Variants in DOCK1 observed in about 807,000 individuals in gnomAD.
The protein encoded by DOCK1 is dedicator of cytokinesis 1, also known as dedicator of cytokinesis protein 1.
In DOCK1, 138 loss-of-function variants were observed where a neutral mutation model predicts 262.7. The observed-to-expected ratio is 0.53, with a 90% CI of 0.46 to 0.61. DOCK1 has a LOEUF of 0.61. DOCK1 is among the 20% of genes least tolerant of loss of function. The probability of loss-of-function intolerance (pLI) is 0.00; values close to 1 mark genes in which losing one functional copy is unlikely to be tolerated. For missense variants in DOCK1, 1,908 were observed against 2,370.7 expected, an observed-to-expected ratio of 0.80 and a Z score of 4.05; for synonymous variants, 866 against 867.4, an observed-to-expected ratio of 1.00 and a Z score of 0.03.
At chr10:127,259,885 C>T (rs563511048) in intron 29 of DOCK1, among the ~76,000 whole-genome samples, 1 of 152,060 alleles carries the variant, frequency 6.6e-6, no homozygotes, top group South Asian at 2.1e-4. Context: ...TTCCTCCTGC[C>T]GCCAACCCTG....
intron 14 of DOCK1, among the ~76,000 whole-genome samples, chr10:127,024,109 C>T (rs1295026408): frequency 6.6e-6 from 1 of 152,194 alleles, no homozygotes; most frequent in Non-Finnish European, 1.5e-5. Context: ...TGTGAGGTGC[C>T]TCTTTGCACC....
chr10:127,279,886 G>A (rs969779984), intron 29 of DOCK1, among the ~76,000 whole-genome samples: 23 of 151,906 alleles, frequency 1.5e-4, no homozygotes, highest in South Asian at 4.2e-4. Context: ...AAGCAGTGGC[G>A]TTTTCTTAGT....
At chr10:126,952,549 G>A (rs1226296615) in intron 1 of DOCK1, among the ~76,000 whole-genome samples, 1 of 141,226 alleles carries the variant, frequency 7.1e-6, no homozygotes, top group African/African-American at 2.6e-5. Flanking sequence ...GATGGTGGTG[G>A]TAGTATTGGT....
chr10:127,201,814 C>T (rs763622859), intron 27 of DOCK1, among the ~76,000 whole-genome samples: 1 of 152,126 alleles, frequency 6.6e-6, no homozygotes, highest in Non-Finnish European at 1.5e-5. Flanking sequence ...TTTTGTTGAC[C>T]TTTATTTGGT....
intron 29 of DOCK1, among the ~76,000 whole-genome samples, chr10:127,304,057 A>G (rs1169259859): frequency 2.0e-5 from 3 of 152,154 alleles, no homozygotes. Flanking sequence ...GGATGAGAGT[A>G]TTTGAGAGTG....
chr10:127,111,192 GCTTGGT>G (rs1298267109), intron 25 of DOCK1, among the ~76,000 whole-genome samples: 1 of 152,106 alleles, frequency 6.6e-6, no homozygotes, highest in African/African-American at 2.4e-5. Context: ...TCTGTGCTTG[GCTTGGT>G]CCTTTGTGCC....
intron 29 of DOCK1, among the ~76,000 whole-genome samples, chr10:127,330,629 G>A (rs2062935528): frequency 6.6e-6 from 1 of 152,186 alleles, no homozygotes; most frequent in Admixed American, 6.5e-5. Flanking sequence ...GGAAAGCAGA[G>A]CTTTATTTCT....
At chr10:126,926,834 T>A (rs556920448) in intron 1 of DOCK1, among the ~76,000 whole-genome samples, 2,615 of 152,220 alleles carry the variant, frequency 0.017, 75 homozygotes, top group African/African-American at 0.06. Context: ...CCCAGAGGGT[T>A]TGGAGGGAGC....
chr10:126,989,678 G>T (rs948547494), intron 5 of DOCK1, among the ~76,000 whole-genome samples: 1 of 152,170 alleles, frequency 6.6e-6, no homozygotes, highest in African/African-American at 2.4e-5. Context: ...TTCATGGAAA[G>T]AACCACTGAG....
intron 1 of DOCK1, among the ~76,000 whole-genome samples, chr10:126,961,755 A>G (rs944870637): frequency 2.0e-5 from 3 of 152,172 alleles, no homozygotes; most frequent in Non-Finnish European, 4.4e-5. Flanking sequence ...GTTGATGGAA[A>G]CTTGGGTTAG....
At chr10:126,931,444 C>T (rs920896449) in intron 1 of DOCK1, among the ~76,000 whole-genome samples, 53 of 152,036 alleles carry the variant, frequency 3.5e-4, no homozygotes, top group Admixed American at 2.2e-3. Context: ...CTGGTGGCAC[C>T]GGGGGAAGCG....
intron 27 of DOCK1, among the ~76,000 whole-genome samples, chr10:127,237,363 G>GAAAA (rs60864459): frequency 2.2e-4 from 29 of 134,768 alleles, no homozygotes; most frequent in Non-Finnish European, 3.7e-4. Flanking sequence ...TCCATCTCAG[G>GAAAA]AAAAAAAAAA....
At chr10:127,269,707 T>G (rs2060491628) in intron 29 of DOCK1, among the ~76,000 whole-genome samples, 1 of 152,188 alleles carries the variant, frequency 6.6e-6, no homozygotes, top group Non-Finnish European at 1.5e-5. Context: ...TTGTCCCTCA[T>G]GTGCAGATGA....
In DOCK1 at chr10:127,127,768, A is replaced by G. The variant is rs755050942; in HGVS notation, c.2847+4A>G. ...GGGACGAGATTCTGAACTCATTGTA[A>G]GTGCTTGGTGACATATGTTTGGATA... On this transcript the variant is annotated splice_donor_region_variant and intron_variant, in intron 27 of 51. Transcript: ENST00000623213. 10 of 1,609,106 alleles carry G rather than the reference A, an allele frequency of 6.2e-6. No individual in the cohort carries two copies.
Position 127,426,054 on chromosome 10 carries a change from TG to T in DOCK1, c.4914+46del, listed in dbSNP as rs2068793690. ...GTAGTGTTGCAGAAGAGTGGGTGTC[TG>T]GGCATCCCACTGTTGAACAGGGACA... is the stretch of plus-strand genomic sequence containing the variant. On this transcript the variant is annotated intron_variant, in intron 47 of 51. Transcript: ENST00000623213. 5 of 1,610,374 alleles carry T rather than the reference TG, an allele frequency of 3.1e-6. No individual in the cohort carries two copies. In the Admixed American group the frequency reaches 8.3e-5, roughly 27 times the overall value.
chr10:127,334,847 G>A (rs2063126792), intron 29 of DOCK1, among the ~76,000 whole-genome samples: 1 of 152,116 alleles, frequency 6.6e-6, no homozygotes, highest in Non-Finnish European at 1.5e-5. Context: ...TCACAAGGTG[G>A]TTGATCCCTT....
intron 27 of DOCK1, among the ~76,000 whole-genome samples, chr10:127,209,479 T>A (rs1370632820): frequency 6.6e-6 from 1 of 152,138 alleles, no homozygotes; most frequent in African/African-American, 2.4e-5. Flanking sequence ...ACCTGGTGAC[T>A]TTCAGGACAT....
chr10:126,940,472 C>T (rs1357332201), intron 1 of DOCK1, among the ~76,000 whole-genome samples: 9 of 152,154 alleles, frequency 5.9e-5, no homozygotes, highest in African/African-American at 1.9e-4. Flanking sequence ...GGTATAATCT[C>T]GGCTCACTGC....
intron 29 of DOCK1, among the ~76,000 whole-genome samples, chr10:127,330,912 G>A (rs1197492619): frequency 6.6e-6 from 1 of 152,160 alleles, no homozygotes; most frequent in Non-Finnish European, 1.5e-5. Flanking sequence ...TGGAGGTTTT[G>A]GCCCTCTGAT....
Sources: gnomAD v4.1 joint callset for allele counts (sites outside exome capture counted in the v4.1 genomes callset) on GRCh38, gnomAD v4.1.1 for gene constraint, MANE v1.5 for transcripts, NCBI Gene and HGNC (gene_info 2026-07-23, HGNC 2026-07-21) for gene names.